The following ZNF226 variants were observed in gnomAD, a reference collection of about 807,000 sequenced individuals.
ZNF226 encodes the protein zinc finger protein 226.
A neutral mutation model predicts 11.4 loss-of-function variants in ZNF226; 6 were observed. The ratio of observed to expected loss-of-function variants is 0.53; its 90% CI spans 0.29 to 1.04. ZNF226 has a LOEUF of 1.04. Ranked by LOEUF, ZNF226 falls within the 50% of genes least tolerant of loss-of-function variation. The pLI, the probability that ZNF226 is intolerant of heterozygous loss-of-function variation, is 0.08. For missense variants in ZNF226, 1,058 were observed against 956.5 expected (o/e 1.11, Z -1.40); for synonymous variants, 350 against 322.8 (o/e 1.08, Z -0.90).
chr19:44,180,086 CAAAAAA>C (rs60173546), downstream of ZNF226, among the ~76,000 whole-genome samples: 40 of 54,746 alleles, frequency 7.3e-4, no homozygotes, highest in South Asian at 6.7e-3. Context: ...GACTCTGTCT[CAAAAAA>C]AAAAAAAAAA....
downstream of ZNF226, among the ~76,000 whole-genome samples, chr19:44,182,349 G>GCA (rs1970917896): frequency 7.0e-6 from 1 of 143,416 alleles, no homozygotes; most frequent in African/African-American, 3.0e-5. Flanking sequence ...GCGCGCGCGC[G>GCA]CGTGCATACA....
In ZNF226 at chr19:44,176,653, C is replaced by T. The variant is rs755070113; in HGVS notation, c.1391C>T (p.Ala464Val). The T allele has an allele frequency of 6.2e-6, 10 of 1,613,516 alleles. No individual in the cohort carries two copies. In the South Asian group the frequency reaches 6.6e-5, roughly 11 times the overall value. Residue 464 changes from alanine (A) to valine (V), a missense_variant, in exon 6 of 6, where the codon GCC becomes GTC. Transcript: ENST00000337433. ...TTTAGTCGGCCTTCAAGTCTTCAGG[C>T]CCATCAGGGAGTTCACACTGGAGAG... is the stretch of plus-strand genomic sequence containing the variant. ...KGFSRPSSLQ[A>V]HQGVHTGEKS...
the ZNF226 span, among the ~76,000 whole-genome samples, chr19:44,196,195 T>G: frequency 6.6e-6 from 1 of 152,226 alleles, no homozygotes; most frequent in Admixed American, 6.5e-5. Context: ...ATAAAATTAC[T>G]TGCGGCCTAT....
In ZNF226 at chr19:44,172,972, G is replaced by A. The variant is rs538772917; in HGVS notation, c.235+20G>A. 4.4e-5 allele frequency: 69 copies of A among 1,567,600 alleles called. No homozygotes were observed. In the East Asian group the frequency reaches 1.3e-3, roughly 31 times the overall value. The stretch of plus-strand genomic sequence containing the variant: ...ATTTAGGTAAAAACCAAACAGTTAT[G>A]AGTTCTTATAGTTAACTGTCCATCT... On this transcript the variant is annotated intron_variant, in intron 5 of 5. Transcript: ENST00000337433.
At chr19:44,183,558 G>A in the ZNF226 span, among the ~76,000 whole-genome samples, 1 of 152,110 alleles carries the variant, frequency 6.6e-6, no homozygotes, top group African/African-American at 2.4e-5. Context: ...AAGTTGCAAG[G>A]GTTATGGTTC....
chr19:44,195,496 A>C, the ZNF226 span, among the ~76,000 whole-genome samples: 1 of 152,228 alleles, frequency 6.6e-6, no homozygotes, highest in African/African-American at 2.4e-5. Context: ...CAATGGGAAT[A>C]TAGTGGGTGT....
chr19:44,171,757 C>T (rs1167759802), intron 3 of ZNF226, among the ~76,000 whole-genome samples: 1 of 152,174 alleles, frequency 6.6e-6, no homozygotes, highest in Non-Finnish European at 1.5e-5. Flanking sequence ...TGGCTCCCAC[C>T]TCAGTAGGAA....
downstream of ZNF226, chr19:44,177,858 G>C: frequency 1.5e-6 from 1 of 648,534 alleles, no homozygotes; most frequent in Non-Finnish European, 2.4e-6. Context: ...GAAGAGGGGT[G>C]TTAAGAGTGA....
At chr19:44,175,108 A>G (rs1970562311) in intron 5 of ZNF226, 7 of 1,590,124 alleles carry the variant, frequency 4.4e-6, no homozygotes, top group Non-Finnish European at 4.3e-6. Flanking sequence ...TCATATATGC[A>G]TACATTCCTT....
At chr19:44,181,343 C>T (rs188617215), downstream of ZNF226, among the ~76,000 whole-genome samples, 1 of 152,162 alleles carries the variant, frequency 6.6e-6, no homozygotes, top group African/African-American at 2.4e-5. Context: ...GGTCCCAACA[C>T]TGAACTGCAG....
Position 44,176,933 on chromosome 19 carries a change from A to G in ZNF226, c.1671A>G (p.Lys557=), listed in dbSNP as rs1282525517. Residue 557 remains lysine, a synonymous_variant, in exon 6 of 6, where the codon AAA becomes AAG. Coordinates refer to ENST00000337433, the MANE Select transcript of ZNF226 (RefSeq NM_001032373.2). ...ATCAGAAGGCCCACAGTATAGAGAA[A>G]CCTTTTAAGTGTGAGGAGTGTGGGC... ...QIHQKAHSIE[K]PFKCEECGQG... is the part of the protein sequence containing the mutation. 6.2e-7 allele frequency: 1 copy of G among 1,613,758 alleles called. No individual in the cohort carries two copies. The highest frequency in any genetic ancestry group is 1.7e-5 in the Admixed American group (1 of 59,980).
chr19:44,172,981 T>C (rs763644542), intron 5 of ZNF226, 29 bp downstream of exon 5: 131 of 1,549,160 alleles, frequency 8.5e-5, no homozygotes, highest in Non-Finnish European at 1.1e-4. Flanking sequence ...TGAGTTCTTA[T>C]AGTTAACTGT....
At chr19:44,183,678 A>G in the ZNF226 span, among the ~76,000 whole-genome samples, 1 of 152,212 alleles carries the variant, frequency 6.6e-6, no homozygotes, top group Non-Finnish European at 1.5e-5. Context: ...GTGCAGAGAT[A>G]CTTATATCCT....
Position 44,175,959 on chromosome 19 carries a change from A to G in ZNF226, c.697A>G (p.Asn233Asp). 1 of 1,613,886 alleles carries G rather than the reference A, an allele frequency of 6.2e-7. No individual in the cohort carries two copies. Among genetic ancestry groups the G allele is most frequent in the Non-Finnish European group, 8.5e-7 (1 of 1,179,864 alleles). The change falls in exon 6 of 6, where the codon AAC (asparagine) becomes GAC (aspartate). Residue 233 changes from asparagine (N) to aspartate (D), a missense_variant. Asn to Asp is a conservative substitution (Grantham distance 23). Transcript: ENST00000337433. ...SYRPNDYEKD[N>D]MKILTFDHNS... ...TAGACCCAATGATTATGAAAAAGAC[A>G]ACATGAAGATTTTGACATTTGATCA...
downstream of ZNF226, among the ~76,000 whole-genome samples, chr19:44,180,180 C>T (rs1970887190): frequency 7.1e-6 from 1 of 140,704 alleles, no homozygotes; most frequent in Non-Finnish European, 1.6e-5. Flanking sequence ...TAAAATTTAA[C>T]AAAGATTCCC....
At chr19:44,183,318 A>G (rs1351922912), downstream of ZNF226, among the ~76,000 whole-genome samples, 3 of 152,152 alleles carry the variant, frequency 2.0e-5, no homozygotes, top group African/African-American at 4.8e-5. Context: ...TGGAGCCCTG[A>G]ACTCATCCTC....
At position 44,175,987 on chromosome 19, in the gene ZNF226, A is replaced by G; in HGVS notation, c.725A>G (p.Asn242Ser). The change falls in exon 6 of 6, where the codon AAT becomes AGT. Residue 242 changes from asparagine to serine, a missense_variant. Transcript: ENST00000337433. ...ATGAAGATTTTGACATTTGATCACA[A>G]TAGCATGATTCACACAGGACAGAAA... Reference protein sequence around the residue: ...DNMKILTFDHNSMIHTGQKSY... With the variant: ...DNMKILTFDHSSMIHTGQKSY... The G allele has an allele frequency of 6.2e-7, 1 of 1,613,920 alleles. No individual in the cohort carries two copies. Among genetic ancestry groups the G allele is most frequent in the South Asian group, 1.1e-5 (1 of 91,064 alleles).
intron 2 of ZNF226, among the ~76,000 whole-genome samples, 196 bp downstream of exon 2, chr19:44,166,003 A>G (rs1969327598): frequency 6.6e-6 from 1 of 152,198 alleles, no homozygotes; most frequent in Non-Finnish European, 1.5e-5. Flanking sequence ...GGAGACTGAG[A>G]CATAAGAACA....
chr19:44,172,672 T>G, intron 4 of ZNF226, 188 bp from the exon 5 acceptor site: 2 of 564,346 alleles, frequency 3.5e-6, no homozygotes, highest in South Asian at 5.5e-5. Context: ...TTGGTTTTCA[T>G]AATATGTATT....
Sources: allele counts gnomAD v4.1 joint callset (sites outside exome capture counted in the v4.1 genomes callset), GRCh38; gene constraint gnomAD v4.1.1; transcripts MANE v1.5; gene names NCBI Gene and HGNC (gene_info 2026-07-23, HGNC 2026-07-21).